Variants in ERCC1 observed in about 807,000 individuals in gnomAD.
The protein encoded by ERCC1 is ERCC excision repair 1, endonuclease non-catalytic subunit.
ERCC1 carries 36 observed loss-of-function variants against 37.6 expected under a neutral mutation model. That is an observed-to-expected ratio of 0.96 (90% CI 0.73 to 1.26). ERCC1 has a LOEUF of 1.26. ERCC1 is among the 50% of genes most tolerant of loss of function. ERCC1 has a pLI of 0.00. For synonymous variants in ERCC1, 156 were observed against 162.1 expected (o/e 0.96, Z 0.28); for missense variants, 349 against 376.5 (o/e 0.93, Z 0.60).
chr19:45,414,006 G>A lies in ERCC1; in HGVS notation c.731C>T (p.Ser244Leu), dbSNP rs1555786240. 2 of 1,613,592 alleles carry A rather than the reference G, an allele frequency of 1.2e-6. No homozygotes were observed. The highest frequency in any genetic ancestry group is 2.2e-5 in the East Asian group (1 of 44,892). ...RVTECLTTVK[S>L]VNKTDSQTLL... ...GGTCTGACTGTCCGTTTTGTTGACT[G>A]ACTTCACGGTGGTCAGACATTCAGT... Residue 244 changes from serine (S) to leucine (L), a missense_variant, in exon 8 of 10, where the codon TCA becomes TTA. Physicochemically the swap from Ser to Leu is moderately radical, Grantham distance 145. Coordinates refer to ENST00000300853, the MANE Select transcript of ERCC1 (RefSeq NM_001983.4).
In ERCC1 at chr19:45,408,307, C is replaced by A. The variant is rs201322262; in HGVS notation, c.*1368G>T. On this transcript the variant is annotated 3_prime_UTR_variant, in exon 10 of 10. Coordinates refer to ENST00000300853, the MANE Select transcript of ERCC1 (RefSeq NM_001983.4). ...TCACCTGTGCCTCAGCCCCCCAGGG[C>A]ACCCTAAGGATCCTTGAGGGTCCCC... 1.2e-6 allele frequency: 2 copies of A among 1,612,640 alleles called. No individual in the cohort carries two copies. The highest frequency in any genetic ancestry group is 1.7e-6 in the Non-Finnish European group (2 of 1,179,238).
chr19:45,413,509 C>T (rs1361039750), intron 9 of ERCC1, 168 bp downstream of exon 9: 5 of 1,492,160 alleles, frequency 3.4e-6, no homozygotes, highest in Non-Finnish European at 4.7e-6. Flanking sequence ...CTTCTGGCCT[C>T]AAGCAGTCCT....
intron 1 of ERCC1, among the ~76,000 whole-genome samples, chr19:45,441,499 G>A (rs576980738): frequency 6.6e-6 from 1 of 152,178 alleles, no homozygotes; most frequent in East Asian, 1.9e-4. Context: ...TAAAATTTTC[G>A]AGTAGCTGGG....
At chr19:45,450,645 A>C (rs566202101) in intron 1 of ERCC1, 8 of 152,476 alleles carry the variant, frequency 5.2e-5, no homozygotes, top group Admixed American at 2.6e-4. Context: ...GCGCACCTGT[A>C]ATCCCAACTA....
At chr19:45,447,268 T>G (rs1966975265) in intron 1 of ERCC1, among the ~76,000 whole-genome samples, 1 of 138,312 alleles carries the variant, frequency 7.2e-6, no homozygotes, top group South Asian at 2.2e-4. Context: ...ACAGATTTGC[T>G]TCTTTTTTTT....
Position 45,421,243 on chromosome 19 carries a change from C to G in ERCC1, c.256G>C (p.Glu86Gln). Residue 86 changes from glutamate to glutamine, a missense_variant, in exon 3 of 10, where the codon GAG becomes CAG. Transcript: ENST00000300853. ...GGTTTCAGGGCCTGGTTGGGCGTCT[C>G]TCCTGCCAGGGGCTCTGACCCTGTG... Reference protein sequence around the residue: ...CPTGSEPLAGETPNQALKPGA... With the variant: ...CPTGSEPLAGQTPNQALKPGA... 1 of 1,614,222 alleles carries G rather than the reference C, an allele frequency of 6.2e-7. No individual in the cohort carries two copies. The highest frequency in any genetic ancestry group is 8.5e-7 in the Non-Finnish European group (1 of 1,180,044).
At position 45,409,603 on chromosome 19, in the gene ERCC1, G is replaced by A. The variant is rs743571; in HGVS notation, c.*72C>T. The A allele has an allele frequency of 1.8e-5, 28 of 1,576,514 alleles. 1 individual carries two copies. In the South Asian group the frequency reaches 2.4e-4, roughly 13 times the overall value. ...ATCCCTCCCCAGAGACTGCACCAGC[G>A]CAGCCAGCAGGAGCCTGGCCTGGGA... is the stretch of plus-strand genomic sequence containing the variant. On this transcript the variant is annotated 3_prime_UTR_variant, in exon 10 of 10. Coordinates refer to ENST00000300853, the MANE Select transcript of ERCC1 (RefSeq NM_001983.4).
intron 1 of ERCC1, 154 bp downstream of exon 1, chr19:45,423,627 G>T: frequency 7.4e-7 from 1 of 1,355,682 alleles, no homozygotes; most frequent in Non-Finnish European, 9.5e-7. Context: ...GATTCTATTG[G>T]CTCCGTCCCC....
rs1319635946 is a variant in ERCC1, at chr19:45,408,676, G to A, written c.*999C>T. On this transcript the variant is annotated 3_prime_UTR_variant, in exon 10 of 10. Transcript: ENST00000300853. ...GGCCTGTGGGGACAGAGCCCACAGT[G>A]GAGACACTGGAGCCTCTGGGAGTGC... The A allele has an allele frequency of 5.0e-6, 8 of 1,613,852 alleles. No homozygotes were observed. In the African/African-American group the frequency reaches 8.0e-5, roughly 16 times the overall value.
chr19:45,433,195 G>A (rs974863249), intron 1 of ERCC1, among the ~76,000 whole-genome samples: 8 of 152,004 alleles, frequency 5.3e-5, no homozygotes, highest in Non-Finnish European at 1.2e-4. Context: ...TTTGAGACCG[G>A]CCTGGGCAAC....
intron 1 of ERCC1, among the ~76,000 whole-genome samples, chr19:45,434,916 C>A (rs563296867): frequency 6.6e-5 from 10 of 152,080 alleles, no homozygotes; most frequent in African/African-American, 2.2e-4. Flanking sequence ...GCTGGGATTA[C>A]AGGCATGCAC....
chr19:45,409,857 T>G (rs1973582456), intron 9 of ERCC1, 132 bp from the exon 10 acceptor site: 1 of 597,342 alleles, frequency 1.7e-6, no homozygotes, highest in Non-Finnish European at 3.0e-6. Flanking sequence ...TTACAAACAA[T>G]CCAGTTACAA....
intron 9 of ERCC1, 131 bp from the exon 10 acceptor site, chr19:45,409,856 A>G (rs1183768816): frequency 1.7e-6 from 1 of 597,250 alleles, no homozygotes; most frequent in African/African-American, 1.9e-5. Context: ...GTTACAAACA[A>G]TCCAGTTACA....
Position 45,409,054 on chromosome 19 carries a change from G to C in ERCC1, c.*621C>G. On this transcript the variant is annotated 3_prime_UTR_variant, in exon 10 of 10. Transcript: ENST00000300853. ...TGAAGCCTCTGGAGTCCCCAGGGGG[G>C]ACCATGGCGCCTCAACAGCCAGAAG... The C allele has an allele frequency of 2.5e-6, 4 of 1,613,702 alleles. No homozygotes were observed. Among genetic ancestry groups the C allele is most frequent in the Non-Finnish European group, 3.4e-6 (4 of 1,179,740 alleles).
At chr19:45,432,096 C>T (rs1009597529) in intron 1 of ERCC1, among the ~76,000 whole-genome samples, 7 of 151,926 alleles carry the variant, frequency 4.6e-5, no homozygotes, top group Non-Finnish European at 8.8e-5. Context: ...CTCAGCCTCC[C>T]GAGTAGCTGG....
intron 1 of ERCC1, among the ~76,000 whole-genome samples, chr19:45,445,561 T>A (rs139357301): frequency 6.6e-6 from 1 of 152,154 alleles, no homozygotes; most frequent in African/African-American, 2.4e-5. Flanking sequence ...AATGGGATGG[T>A]CAGGGAAGGC....
At chr19:45,445,087 G>A (rs1966901092) in intron 1 of ERCC1, among the ~76,000 whole-genome samples, 1 of 152,142 alleles carries the variant, frequency 6.6e-6, no homozygotes, top group Admixed American at 6.6e-5. Context: ...TACCATCTGG[G>A]CTCACTGCAA....
intron 1 of ERCC1, among the ~76,000 whole-genome samples, chr19:45,444,887 G>A (rs1019420987): frequency 3.3e-5 from 5 of 152,206 alleles, no homozygotes; most frequent in Admixed American, 2.0e-4. Context: ...TTTGTAAAAT[G>A]GGGACATTAA....
chr19:45,440,253 T>C (rs1453279141), intron 1 of ERCC1, among the ~76,000 whole-genome samples: 3 of 147,122 alleles, frequency 2.0e-5, no homozygotes, highest in Non-Finnish European at 4.5e-5. Context: ...CCCCCAGCGA[T>C]GTCCCCCACT....
Sources: allele counts gnomAD v4.1 joint callset (sites outside exome capture counted in the v4.1 genomes callset), GRCh38; gene constraint gnomAD v4.1.1; transcripts MANE v1.5; gene names NCBI Gene and HGNC (gene_info 2026-07-23, HGNC 2026-07-21).